Variants in FANCD2 observed in about 807,000 individuals in gnomAD.
FANCD2 encodes the protein Fanconi anemia group D2 protein.
FANCD2 carries 131 observed loss-of-function variants against 192.3 expected under a neutral mutation model. That is an observed-to-expected ratio of 0.68 (90% CI 0.59 to 0.79). FANCD2 has a LOEUF of 0.79. Among genes scored for constraint, FANCD2 ranks in the 30% least tolerant of loss-of-function variants. The pLI is 0.00. For missense variants in FANCD2, 1,508 were observed against 1,701.6 expected (o/e 0.89, Z 2.00); for synonymous variants, 524 against 612.5 (o/e 0.86, Z 2.13).
At chr3:10,096,594 C>T in intron 42 of FANCD2, 122 bp downstream of exon 42, 1 of 900,836 alleles carries the variant, frequency 1.1e-6, no homozygotes, top group Non-Finnish European at 1.8e-6. Flanking sequence ...TCTCTTAAGT[C>T]TGTGACTGTT....
Position 10,074,571 on chromosome 3 carries a change from T to A in FANCD2, c.2757T>A (p.His919Gln), listed in dbSNP as rs1693432070. The A allele has an allele frequency of 6.2e-7, 1 of 1,613,814 alleles. No individual in the cohort carries two copies. Residue 919 changes from histidine to glutamine, a missense_variant, in exon 29 of 44, where the codon CAT becomes CAA. This residue lies in a region of FANCD2 where 796 missense variants were observed against 879.4 expected (regional missense o/e 0.91). Coordinates refer to ENST00000675286, the MANE Select transcript of FANCD2 (RefSeq NM_001018115.3). ...GKEEKTSLLL[H>Q]NSHAFFRELD... ...AAGAAAAGACATCATTGTTACTACA[T>A]AATTCCCATGCTTTTTTCCGAGAGC...
chr3:10,046,326 T>C (rs2087009518), intron 14 of FANCD2: 3 of 445,128 alleles, frequency 6.7e-6, no homozygotes, highest in East Asian at 5.1e-5. Context: ...GTGCTGGGAT[T>C]ACAGATGTGA....
intron 1 of FANCD2, among the ~76,000 whole-genome samples, chr3:10,027,761 C>T (rs2086489552): frequency 6.6e-6 from 1 of 151,658 alleles, no homozygotes; most frequent in Non-Finnish European, 1.5e-5. Context: ...AAAAATTAGC[C>T]GGGCGTGGTG....
rs750501988 is a variant in FANCD2 at position 10,063,830 on chromosome 3, G to A, written c.1866G>A (p.Glu622=). Reference sequence around the variant, plus strand: ...TGCAGTTGGTTCATTCCTGCAGTGAGCAGTCTCCTCAGGCCTCTGCACTTT... The same window carrying A: ...TGCAGTTGGTTCATTCCTGCAGTGAACAGTCTCCTCAGGCCTCTGCACTTT... ...SLLQLVHSCS[E]QSPQASALYY... Residue 622 remains glutamate (E), a synonymous_variant, in exon 21 of 44, where the codon GAG becomes GAA. Coordinates refer to ENST00000675286, the MANE Select transcript of FANCD2 (RefSeq NM_001018115.3). 1.2e-5 allele frequency: 19 copies of A among 1,614,056 alleles called. No individual in the cohort carries two copies. In the African/African-American group the frequency reaches 1.3e-4, roughly 11 times the overall value.
intron 37 of FANCD2, 23 bp downstream of exon 37, chr3:10,090,408 C>A (rs1422772766): frequency 1.1e-5 from 12 of 1,141,270 alleles, no homozygotes; most frequent in Non-Finnish European, 1.5e-5. Context: ...ATAGTCACTT[C>A]AAGAAGTGGA....
chr3:10,099,082 T>C, intron 43 of FANCD2: 1 of 1,543,394 alleles, frequency 6.5e-7, no homozygotes, highest in South Asian at 1.2e-5. Flanking sequence ...CCTCTCATTT[T>C]CCATGAATTC....
intron 15 of FANCD2, 88 bp from the exon 16 acceptor site, chr3:10,047,829 T>G: frequency 6.5e-7 from 1 of 1,535,278 alleles, no homozygotes. Context: ...AGGAGAAGTC[T>G]GACATTCCAA....
intron 36 of FANCD2, 29 bp downstream of exon 36, chr3:10,088,979 C>A: frequency 6.2e-7 from 1 of 1,612,998 alleles, no homozygotes; most frequent in Non-Finnish European, 8.5e-7. Flanking sequence ...CCAGTTTTTC[C>A]CTTAAGATAG....
chr3:10,039,464 C>A, intron 8 of FANCD2, 107 bp downstream of exon 8: 1 of 1,025,682 alleles, frequency 9.7e-7, no homozygotes, highest in Non-Finnish European at 1.4e-6. Flanking sequence ...CTTTTCCATC[C>A]ATCCATTAGC....
At position 10,096,559 on chromosome 3, in the gene FANCD2, C is replaced by T. The variant is rs573714806; in HGVS notation, c.4185+87C>T. 409 of 1,255,338 alleles carry T rather than the reference C, an allele frequency of 3.3e-4. 2 individuals carry two copies. The African/African-American group carries it at 5.7e-3, about 17-fold the overall frequency. 77.8% of individuals were successfully genotyped at this position (1,255,338 alleles called of 1,614,324 possible). A position where few individuals can be genotyped will look rare whatever the true frequency, so the allele number is the denominator to read the frequency against. On this transcript the variant is annotated intron_variant, in intron 42 of 43. Transcript: ENST00000675286. ...GGCATGTAAGGAAGGTCACCTAAGCCCTCGTCTCTCAGTAAGGCTACTTTT... is the reference window on the plus strand; with the variant it reads ...GGCATGTAAGGAAGGTCACCTAAGCTCTCGTCTCTCAGTAAGGCTACTTTT...
In FANCD2 at chr3:10,043,565, G is replaced by A. The variant is rs762778755; in HGVS notation, c.1071G>A (p.Glu357=). The change falls in exon 13 of 44, where the codon GAG becomes GAA. Residue 357 remains glutamate, a synonymous_variant. Coordinates refer to ENST00000675286, the MANE Select transcript of FANCD2 (RefSeq NM_001018115.3). Reference sequence around the variant, plus strand: ...TAATAAAGTCAGCTATTAGATATGAGAAAACCATTTCAGAAGCCTGGATTA... The same window carrying A: ...TAATAAAGTCAGCTATTAGATATGAAAAAACCATTTCAGAAGCCTGGATTA... The part of the protein sequence containing the change: ...FDVIKSAIRY[E]KTISEAWIKA... The A allele has an allele frequency of 1.9e-6, 3 of 1,613,402 alleles. No individual in the cohort carries two copies. The South Asian group carries it at 3.3e-5, about 18-fold the overall frequency.
intron 20 of FANCD2, 67 bp from the exon 21 acceptor site, chr3:10,063,725 A>G: frequency 1.9e-6 from 3 of 1,601,038 alleles, no homozygotes; most frequent in South Asian, 2.2e-5. Context: ...CAGTCTTGAA[A>G]GGGGCGAGTG....
chr3:10,089,573 GATT>G (rs1694458927), intron 36 of FANCD2, among the ~76,000 whole-genome samples: 2 of 152,018 alleles, frequency 1.3e-5, no homozygotes, highest in Admixed American at 1.3e-4. Flanking sequence ...GGGTTCAAAC[GATT>G]CTCCTACCCC....
chr3:10,098,807 G>A lies in FANCD2; in HGVS notation c.4273G>A (p.Ala1425Thr). ...DMSSQASKSK[A>T]TEDGEEDEVS... ...GTCATCCCAGGCCTCCAAGAGCAAA[G>A]CCACTGAGGTATCTCTACAAAACCC... Residue 1425 changes from alanine (A) to threonine (T), a missense_variant, in exon 43 of 44, where the codon GCC becomes ACC. Coordinates refer to ENST00000675286, the MANE Select transcript of FANCD2 (RefSeq NM_001018115.3). 1.2e-6 allele frequency: 2 copies of A among 1,614,184 alleles called. No homozygotes were observed. The highest frequency in any genetic ancestry group is 1.7e-6 in the Non-Finnish European group (2 of 1,180,030).
intron 25 of FANCD2, 111 bp from the exon 26 acceptor site, chr3:10,067,098 A>G (rs553378875): frequency 1.3e-6 from 1 of 769,538 alleles, no homozygotes; most frequent in South Asian, 1.5e-5. Flanking sequence ...ATTACAGACT[A>G]AACTCAAAGA....
intron 18 of FANCD2, 107 bp from the exon 19 acceptor site, chr3:10,060,184 AGTT>A: frequency 4.2e-6 from 3 of 720,672 alleles, no homozygotes; most frequent in Non-Finnish European, 4.7e-6. Context: ...AAAAAAAAAC[AGTT>A]AGTAAACGGT....
intron 1 of FANCD2, among the ~76,000 whole-genome samples, chr3:10,027,904 CAAAAAA>C (rs145483323): frequency 1.5e-5 from 1 of 66,508 alleles, no homozygotes; most frequent in African/African-American, 5.9e-5. Flanking sequence ...GACTCCGTCT[CAAAAAA>C]AAAAAAAAAA....
chr3:10,035,084 T>A (rs1575735070), intron 5 of FANCD2, 89 bp from the exon 6 acceptor site: 2 of 1,094,006 alleles, frequency 1.8e-6, no homozygotes, highest in Admixed American at 3.7e-5. Flanking sequence ...TTAAATATTA[T>A]GTATTTAACC....
chr3:10,069,050 A>G (rs1348773203), intron 26 of FANCD2, among the ~76,000 whole-genome samples: 1 of 152,214 alleles, frequency 6.6e-6, no homozygotes, highest in Non-Finnish European at 1.5e-5. Flanking sequence ...AACAACAACA[A>G]AAAACATTCA....
Sources: allele counts gnomAD v4.1 joint callset (sites outside exome capture counted in the v4.1 genomes callset), GRCh38; gene constraint gnomAD v4.1.1; regional missense constraint gnomAD v4.1.1; transcripts MANE v1.5; gene names NCBI Gene and HGNC (gene_info 2026-07-23, HGNC 2026-07-21).